MICAL3: variants seen among roughly 807,000 people sequenced by gnomAD.
MICAL3 encodes microtubule associated monooxygenase, calponin and LIM domain containing 3.
A neutral mutation model predicts 207.4 loss-of-function variants in MICAL3; 62 were observed. The ratio of observed to expected loss-of-function variants is 0.30; its 90% CI spans 0.24 to 0.37. The LOEUF (loss-of-function observed/expected upper bound fraction) is 0.37, where lower values mean the gene tolerates loss of function less well. MICAL3 is among the 10% of genes least tolerant of loss of function. MICAL3 has a pLI of 1.00. For synonymous variants in MICAL3, 1,077 were observed against 1,069.3 expected, an observed-to-expected ratio of 1.01 and a Z score of -0.14; for missense variants, 2,368 against 2,635.6, an observed-to-expected ratio of 0.90 and a Z score of 2.22.
chr22:17,817,276 G>GCACCC (rs747282412), intron 26 of MICAL3, 35 bp downstream of exon 26: 1 of 1,544,088 alleles, frequency 6.5e-7, no homozygotes. Context: ...CACCCCTCCC[G>GCACCC]CTCTGCCTGC....
chr22:17,837,545 A>G (rs2587106), intron 20 of MICAL3, among the ~76,000 whole-genome samples: 44,030 of 152,110 alleles, frequency 0.29, 6,437 homozygotes, highest in African/African-American at 0.31. Flanking sequence ...AGGGAAAACA[A>G]CACAAACATC....
In MICAL3 at chr22:17,863,686, G is replaced by A. The variant is rs1926763368; in HGVS notation, c.2605+1213C>T. ...TTGGCTGGGTTCTCATGGCTCCCAG[G>A]GCACACCGCCTAGCCTCTGGGCGCA... On this transcript the variant is annotated intron_variant, in intron 19 of 31. Coordinates refer to ENST00000441493, the MANE Select transcript of MICAL3 (RefSeq NM_015241.3). The A allele has an allele frequency of 4.1e-6, 4 of 985,270 alleles. No homozygotes were observed. The South Asian group carries it at 1.9e-4, about 46-fold the overall frequency. The allele number at this position is 985,270 out of a possible 1,614,324, so 61.0% of individuals were successfully genotyped here.
chr22:18,010,380 G>A (rs1923642239), intron 1 of MICAL3, among the ~76,000 whole-genome samples: 1 of 152,144 alleles, frequency 6.6e-6, no homozygotes, highest in Non-Finnish European at 1.5e-5. Context: ...TTGTCTGGTT[G>A]CTGAGAGCTG....
chr22:17,912,419 G>A (rs1407199669), intron 1 of MICAL3, among the ~76,000 whole-genome samples: 1 of 151,402 alleles, frequency 6.6e-6, no homozygotes, highest in African/African-American at 2.4e-5. Flanking sequence ...CACTGAATGT[G>A]TATTGTTTGG....
chr22:17,875,768 A>T (rs1928265058), intron 16 of MICAL3, among the ~76,000 whole-genome samples: 1 of 150,212 alleles, frequency 6.7e-6, no homozygotes, highest in Non-Finnish European at 1.5e-5. Context: ...TCCTTCCCTC[A>T]TGCTTGCAGC....
intron 17 of MICAL3, 55 bp downstream of exon 17, chr22:17,871,782 G>T: frequency 2.0e-6 from 3 of 1,510,760 alleles, no homozygotes; most frequent in South Asian, 1.3e-5. Context: ...AGCTCAGATG[G>T]AAACACTGTC....
chr22:17,959,321 C>T (rs935999513), intron 1 of MICAL3, among the ~76,000 whole-genome samples: 1 of 147,944 alleles, frequency 6.8e-6, no homozygotes, highest in African/African-American at 2.5e-5. Context: ...AGCCATCGGC[C>T]TGGGTTTTTT....
At chr22:17,985,159 G>C (rs150037752) in intron 1 of MICAL3, among the ~76,000 whole-genome samples, 2,480 of 152,306 alleles carry the variant, frequency 0.016, 64 homozygotes, top group African/African-American at 0.056. Context: ...GTTTCAGGGA[G>C]GGGGAGTCTG....
intron 1 of MICAL3, among the ~76,000 whole-genome samples, chr22:17,918,443 G>C (rs5747417): frequency 1.3e-5 from 2 of 151,916 alleles, no homozygotes; most frequent in Admixed American, 6.6e-5. Flanking sequence ...AAGAGTGACA[G>C]TTTTCCACAT....
intron 19 of MICAL3, chr22:17,858,534 G>C: frequency 1.1e-5 from 10 of 933,452 alleles, no homozygotes; most frequent in Non-Finnish European, 1.3e-5. Context: ...ATCTCGGGGA[G>C]CACTTGTGGG....
In MICAL3 at chr22:17,788,157, G is replaced by T. The variant is rs907836088; in HGVS notation, c.*2575C>A. On this transcript the variant is annotated 3_prime_UTR_variant, in exon 32 of 32. Transcript: ENST00000441493. ...AGTCACCAGAGTACTCAAGTCAACCGCAAACTAGTGGTTACAAAATGGGAG... is the reference window on the plus strand; with the variant it reads ...AGTCACCAGAGTACTCAAGTCAACCTCAAACTAGTGGTTACAAAATGGGAG... 1.3e-5 allele frequency: 2 copies of T among 152,264 alleles called. No individual in the cohort carries two copies. The highest frequency in any genetic ancestry group is 4.8e-5 in the African/African-American group (2 of 41,464). 9.4% of individuals were successfully genotyped at this position (152,264 alleles called of 1,614,324 possible).
intron 7 of MICAL3, 54 bp from the exon 8 acceptor site, chr22:17,897,035 G>A (rs1388483781): frequency 6.4e-7 from 1 of 1,550,708 alleles, no homozygotes; most frequent in Non-Finnish European, 8.7e-7. Context: ...CACTCAGCCA[G>A]AACCATGTTA....
chr22:17,964,777 G>A (rs1935069006), intron 1 of MICAL3, among the ~76,000 whole-genome samples: 1 of 151,088 alleles, frequency 6.6e-6, no homozygotes, highest in Admixed American at 6.6e-5. Flanking sequence ...AGAGGATAAG[G>A]TCCAATGATT....
intron 1 of MICAL3, among the ~76,000 whole-genome samples, chr22:17,985,048 C>T (rs929330821): frequency 2.0e-5 from 3 of 152,212 alleles, no homozygotes; most frequent in African/African-American, 7.2e-5. Flanking sequence ...GACACACTGA[C>T]ATTTTAAACT....
chr22:17,842,222 T>C (rs1924089895), intron 19 of MICAL3: 4 of 598,278 alleles, frequency 6.7e-6, no homozygotes, highest in Non-Finnish European at 1.2e-5. Flanking sequence ...AAGGTGGCCC[T>C]GTCTGCCCTC....
chr22:18,004,793 G>T (rs920859111), intron 1 of MICAL3: 1 of 152,084 alleles, frequency 6.6e-6, no homozygotes, highest in African/African-American at 2.4e-5. Context: ...TGATCTGCCC[G>T]AGTGCACACA....
intron 1 of MICAL3, among the ~76,000 whole-genome samples, chr22:17,932,516 C>CAA (rs1933317129): frequency 6.6e-6 from 1 of 152,162 alleles, no homozygotes. Flanking sequence ...CCAACCAATG[C>CAA]AAAAACATGC....
intron 19 of MICAL3, among the ~76,000 whole-genome samples, chr22:17,853,096 T>C (rs997043046): frequency 6.6e-6 from 1 of 151,538 alleles, no homozygotes; most frequent in African/African-American, 2.4e-5. Flanking sequence ...AAAAGGAATA[T>C]TTAGCTTAAT....
In MICAL3 at chr22:17,967,203, C is replaced by G. The variant is rs147505965; in HGVS notation, c.-75+57078G>C. ...CTATCCTGGCATAACTACTCGTTTT[C>G]ACCATCAGTGATTTTGTTATCTTTA... On this transcript the variant is annotated intron_variant, in intron 1 of 31. Transcript: ENST00000441493. Among the ~76,000 whole-genome samples the G allele has an allele frequency of 2.1e-3, 320 of 152,280 alleles. 2 individuals are homozygous for G. Among genetic ancestry groups the G allele is most frequent in the African/African-American group, 7.0e-3 (290 of 41,550 alleles).
Sources: allele counts gnomAD v4.1 joint callset (sites outside exome capture counted in the v4.1 genomes callset), GRCh38; gene constraint gnomAD v4.1.1; transcripts MANE v1.5; gene names NCBI Gene and HGNC (gene_info 2026-07-23, HGNC 2026-07-21).